The following SFXN4 variants were observed in gnomAD, a reference collection of about 807,000 sequenced individuals.
SFXN4 encodes sideroflexin 4.
SFXN4 carries 48 observed loss-of-function variants against 54.6 expected under a neutral mutation model. The observed-to-expected ratio is 0.88, with a 90% confidence interval of 0.70 to 1.12. SFXN4 has a LOEUF of 1.12. Ranked by LOEUF, SFXN4 falls within the 50% of genes most tolerant of loss-of-function variation. SFXN4 has a pLI of 0.00. For missense variants in SFXN4, 383 were observed against 409.2 expected, an observed-to-expected ratio of 0.94 and a Z score of 0.55; for synonymous variants, 130 against 145.5, an observed-to-expected ratio of 0.89 and a Z score of 0.77.
chr10:119,159,834 A>C (rs1040697023), intron 5 of SFXN4, 81 bp from the exon 6 acceptor site: 1 of 1,440,242 alleles, frequency 6.9e-7, no homozygotes, highest in East Asian at 2.3e-5. Context: ...ACCCACCTGA[A>C]CACCTCTTCC....
intron 11 of SFXN4, among the ~76,000 whole-genome samples, chr10:119,154,379 A>G (rs1167603658): frequency 6.6e-6 from 1 of 152,032 alleles, no homozygotes; most frequent in East Asian, 1.9e-4. Context: ...AATTCCTTAG[A>G]ACAAATCTCC....
At position 119,160,899 on chromosome 10, in the gene SFXN4, A is replaced by G; in HGVS notation, c.334+16T>C. On this transcript the variant is annotated intron_variant, in intron 5 of 13. Transcript: ENST00000355697. ...ACATCTTCCCAACCCACTTCTGAAAATTAGAACCAACTCACCTGCAGGTCG... is the reference window on the plus strand; with the variant it reads ...ACATCTTCCCAACCCACTTCTGAAAGTTAGAACCAACTCACCTGCAGGTCG... 6.2e-7 allele frequency: 1 copy of G among 1,613,878 alleles called. No individual in the cohort carries two copies. Among genetic ancestry groups the G allele is most frequent in the Non-Finnish European group, 8.5e-7 (1 of 1,179,816 alleles).
rs144548314 is a variant in SFXN4 at position 119,143,486 on chromosome 10, C to A, written c.937-2167G>T. Among the ~76,000 whole-genome samples, 823 of 152,216 alleles carry A rather than the reference C, an allele frequency of 5.4e-3. 3 individuals carry two copies. Among genetic ancestry groups the A allele is most frequent in the Middle Eastern group, 0.01 (3 of 294 alleles). On this transcript the variant is annotated intron_variant, in intron 13 of 13. Transcript: ENST00000355697. ...GAGTAGCTAGGACTACAGGCACATACCACCATGCCTGGCTAATTATTATTT... is the reference window on the plus strand; with the variant it reads ...GAGTAGCTAGGACTACAGGCACATAACACCATGCCTGGCTAATTATTATTT...
At chr10:119,156,857 G>T in intron 9 of SFXN4, 101 bp from the exon 10 acceptor site, 1 of 780,042 alleles carries the variant, frequency 1.3e-6, no homozygotes, top group Non-Finnish European at 2.1e-6. Context: ...CCTATTACAA[G>T]TCAGACCACT....
Position 119,146,464 on chromosome 10 carries a change from C to CGCGCGCGT in SFXN4, c.819-112_819-111insACGCGCGC, listed in dbSNP as rs1554885843. ...GTGTGTGTGTGTGTGTGTGTGTGCACGTGTGTGTGTACCTGAACACCTGGA... is the reference window on the plus strand; with the variant it reads ...GTGTGTGTGTGTGTGTGTGTGTGCACGCGCGCGTGTGTGTGTGTACCTGAACACCTGGA... On this transcript the variant is annotated intron_variant, in intron 12 of 13. Coordinates refer to ENST00000355697, the MANE Select transcript of SFXN4 (RefSeq NM_213649.2). 5.1e-4 allele frequency: 250 copies of CGCGCGCGT among 488,484 alleles called. 2 individuals are homozygous for CGCGCGCGT. In the East Asian group the frequency reaches 7.2e-3, roughly 14 times the overall value. 30.3% of individuals were successfully genotyped at this position (488,484 alleles called of 1,614,324 possible).
In SFXN4 at chr10:119,164,669, A is replaced by G. The variant is rs754208802; in HGVS notation, c.112-473T>C. Among the ~76,000 whole-genome samples the G allele has an allele frequency of 1.4e-4, 22 of 152,128 alleles. 1 individual carries two copies. The highest frequency in any genetic ancestry group is 2.5e-4 in the Non-Finnish European group (17 of 68,004). On this transcript the variant is annotated intron_variant, in intron 1 of 13. Coordinates refer to ENST00000355697, the MANE Select transcript of SFXN4 (RefSeq NM_213649.2). ...GCAGCTGGGGTCACACTGGGGAAAA[A>G]GAGGTTTGCTCCAGCAAACTCTAAA...
intron 12 of SFXN4, 111 bp from the exon 13 acceptor site, chr10:119,146,464 C>CGCGT (rs1554885843): frequency 4.3e-4 from 212 of 488,582 alleles, no homozygotes; most frequent in African/African-American, 3.4e-3. Context: ...TGTGTGTGCA[C>CGCGT]GTGTGTGTGT....
intron 6 of SFXN4, among the ~76,000 whole-genome samples, chr10:119,159,474 A>G (rs183382826): frequency 2.2e-4 from 33 of 152,198 alleles, no homozygotes; most frequent in African/African-American, 7.9e-4. Flanking sequence ...TGGTGTTCAG[A>G]AAAGGGATGA....
chr10:119,158,967 AG>A (rs1242341273), intron 6 of SFXN4, among the ~76,000 whole-genome samples: 3 of 152,182 alleles, frequency 2.0e-5, no homozygotes, highest in Non-Finnish European at 4.4e-5. Flanking sequence ...TGGGCAACAG[AG>A]CAAGACCCTA....
chr10:119,161,992 T>C, intron 3 of SFXN4: 2 of 335,572 alleles, frequency 6.0e-6, no homozygotes, highest in Non-Finnish European at 5.4e-6. Flanking sequence ...GAATGAATTC[T>C]GACGTCAGAG....
intron 11 of SFXN4, among the ~76,000 whole-genome samples, chr10:119,152,570 T>C (rs959202634): frequency 6.6e-6 from 1 of 152,176 alleles, no homozygotes; most frequent in Non-Finnish European, 1.5e-5. Flanking sequence ...CATTTCAAAC[T>C]AGTGACCTAT....
At chr10:119,163,812 T>C (rs1847650838) in intron 2 of SFXN4, among the ~76,000 whole-genome samples, 1 of 151,640 alleles carries the variant, frequency 6.6e-6, no homozygotes, top group Non-Finnish European at 1.5e-5. Flanking sequence ...AAGGGACACG[T>C]GGGCAGGGCC....
At chr10:119,161,436 A>ACAAAAAAAAAAAAAAAAAAC (rs1847532027) in intron 3 of SFXN4, among the ~76,000 whole-genome samples, 1 of 118,566 alleles carries the variant, frequency 8.4e-6, no homozygotes, top group Non-Finnish European at 1.8e-5. Flanking sequence ...ACAAAAAAAA[A>ACAAAAAAAAAAAAAAAAAAC]CAAAAAAAAA....
At chr10:119,162,790 CT>C (rs1248960283) in intron 2 of SFXN4, among the ~76,000 whole-genome samples, 1 of 151,968 alleles carries the variant, frequency 6.6e-6, no homozygotes, top group Non-Finnish European at 1.5e-5. Flanking sequence ...CTTTTTCTTT[CT>C]TTCTTTTCTT....
chr10:119,162,441 T>A (rs142455655), intron 2 of SFXN4, 27 bp from the exon 3 acceptor site: 5 of 1,570,116 alleles, frequency 3.2e-6, no homozygotes, highest in Non-Finnish European at 4.4e-6. Flanking sequence ...AGTAATCAAG[T>A]AATGATCTCA....
At position 119,161,007 on chromosome 10, in the gene SFXN4, G is replaced by C. The variant is rs1847506340; in HGVS notation, c.280-38C>G. On this transcript the variant is annotated intron_variant, in intron 4 of 13. Coordinates refer to ENST00000355697, the MANE Select transcript of SFXN4 (RefSeq NM_213649.2). ...AGATGCAAGGTTAGCTGGATGTCTG[G>C]TTTTGTTATTATAGGACACTAAAAA... 3 of 1,613,916 alleles carry C rather than the reference G, an allele frequency of 1.9e-6. No individual in the cohort carries two copies. The African/African-American group carries it at 4.0e-5, about 22-fold the overall frequency.
At chr10:119,147,898 C>T (rs771906932) in intron 11 of SFXN4, 38 bp from the exon 12 acceptor site, 7 of 1,551,504 alleles carry the variant, frequency 4.5e-6, no homozygotes, top group Middle Eastern at 1.7e-4. Flanking sequence ...AGGTTGGGCA[C>T]GGTGGCTCAC....
intron 11 of SFXN4, among the ~76,000 whole-genome samples, chr10:119,152,668 G>A (rs1332160608): frequency 1.3e-5 from 2 of 151,976 alleles, no homozygotes; most frequent in South Asian, 2.1e-4. Context: ...CTACTAGATG[G>A]TCTAGTGGAA....
intron 6 of SFXN4, among the ~76,000 whole-genome samples, chr10:119,158,555 G>GCAA: frequency 7.1e-6 from 1 of 141,830 alleles, no homozygotes; most frequent in East Asian, 2.1e-4. Flanking sequence ...GGCAGAGGTT[G>GCAA]CAATGAGCCA....
Sources: allele counts gnomAD v4.1 joint callset (sites outside exome capture counted in the v4.1 genomes callset), GRCh38; gene constraint gnomAD v4.1.1; transcripts MANE v1.5; gene names NCBI Gene and HGNC (gene_info 2026-07-23, HGNC 2026-07-21).